WDR90: variants seen among roughly 807,000 people sequenced by gnomAD.
The protein encoded by WDR90 is WD repeat domain 90, also known as WD repeat-containing protein 90.
In WDR90, 238 loss-of-function variants were observed where a neutral mutation model predicts 195.2. The observed-to-expected ratio is 1.22, with a 90% CI of 1.10 to 1.36. The LOEUF is 1.36. WDR90 is among the 40% of genes most tolerant of loss of function. The probability of loss-of-function intolerance (pLI) is 0.00; values close to 1 mark genes in which losing one functional copy is unlikely to be tolerated. For synonymous variants in WDR90, 1,265 were observed against 1,052.4 expected (o/e 1.20, Z -3.91); for missense variants, 2,734 against 2,439.5 (o/e 1.12, Z -2.54).
chr16:651,623 G>C, intron 7 of WDR90, 21 bp from the exon 8 acceptor site: 1 of 1,609,686 alleles, frequency 6.2e-7, no homozygotes, highest in East Asian at 2.2e-5. Flanking sequence ...TGGGTCACTG[G>C]GGTTCTTTGC....
At chr16:658,473 C>T in intron 22 of WDR90, 52 bp from the exon 23 acceptor site, 3 of 1,585,946 alleles carry the variant, frequency 1.9e-6, no homozygotes, top group Non-Finnish European at 2.6e-6. Context: ...AGGCCCCAGG[C>T]TGCTGGCCAC....
chr16:656,729 C>T lies in WDR90; in HGVS notation c.2203-3C>T, dbSNP rs765700022. Reference sequence around the variant, plus strand: ...TCCCCTCAGCACGGCCCCTGTCCCACAGCTATACGACTTCACATCATCAGA... The same window carrying T: ...TCCCCTCAGCACGGCCCCTGTCCCATAGCTATACGACTTCACATCATCAGA... On this transcript the variant is annotated splice_polypyrimidine_tract_variant and splice_region_variant and intron_variant, in intron 18 of 40. Coordinates refer to ENST00000293879, the MANE Select transcript of WDR90 (RefSeq NM_145294.5). 5.0e-6 allele frequency: 8 copies of T among 1,611,802 alleles called. No individual in the cohort carries two copies. Among genetic ancestry groups the T allele is most frequent in the African/African-American group, 4.0e-5 (3 of 74,912 alleles).
At chr16:660,513 C>A in intron 27 of WDR90, 99 bp from the exon 28 acceptor site, 2 of 1,260,694 alleles carry the variant, frequency 1.6e-6, no homozygotes, top group Non-Finnish European at 2.2e-6. Flanking sequence ...TCCTCTGCAG[C>A]TGGCCTGGGT....
At chr16:660,901 T>C (rs2037883482) in intron 28 of WDR90, 150 bp from the exon 29 acceptor site, 1 of 742,218 alleles carries the variant, frequency 1.3e-6, no homozygotes, top group African/African-American at 3.4e-5. Flanking sequence ...TACTGGACGC[T>C]GGGGAGGGCG....
intron 40 of WDR90, 131 bp from the exon 41 acceptor site, chr16:667,301 G>C (rs1356961588): frequency 1.6e-6 from 2 of 1,276,038 alleles, no homozygotes; most frequent in East Asian, 2.5e-5. Context: ...GGAGGGCACA[G>C]CCAGGAGCCC....
In WDR90 at chr16:655,821, C is replaced by T. The variant is rs746115560; in HGVS notation, c.1898C>T (p.Ala633Val). The T allele has an allele frequency of 6.3e-7, 1 of 1,595,990 alleles. No individual in the cohort carries two copies. The highest frequency in any genetic ancestry group is 8.5e-7 in the Non-Finnish European group (1 of 1,173,142). Residue 633 changes from alanine (A) to valine (V), a missense_variant, in exon 17 of 41, where the codon GCT (alanine) becomes GTT (valine). Physicochemically the swap from Ala to Val is moderately conservative, Grantham distance 64 (BLOSUM62 0). Transcript: ENST00000293879. ...CTCAGCGTCTCCCCGGCCATGTGTG[C>T]TGTGGGCTCTGAGGACGGCTTCTTG... Reference protein sequence around the residue: ...SSLSVSPAMCAVGSEDGFLRL... With the variant: ...SSLSVSPAMCVVGSEDGFLRL...
chr16:654,819 C>G (rs2037713727), intron 13 of WDR90: 1 of 590,690 alleles, frequency 1.7e-6, no homozygotes, highest in Non-Finnish European at 3.0e-6. Flanking sequence ...GGTTGCAGTG[C>G]TCAGCATTGC....
chr16:655,145 C>T lies in WDR90; in HGVS notation c.1554C>T (p.Thr518=). ...TCCGGGTCACCTTTTTTGATGAAAC[C>T]AGGTGATGCAGCCGCCCATCCACGA... The part of the protein sequence containing the change: ...QAFRVTFFDE[T]RMASCGQGSV... Residue 518 remains threonine (T), a splice_region_variant and synonymous_variant, in exon 14 of 41, where the codon ACC becomes ACT. Coordinates refer to ENST00000293879, the MANE Select transcript of WDR90 (RefSeq NM_145294.5). 1 of 1,612,560 alleles carries T rather than the reference C, an allele frequency of 6.2e-7. No individual in the cohort carries two copies. Among genetic ancestry groups the T allele is most frequent in the Non-Finnish European group, 8.5e-7 (1 of 1,179,704 alleles).
intron 20 of WDR90, chr16:657,464 C>G (rs2037784993): frequency 2.7e-6 from 2 of 739,896 alleles, no homozygotes; most frequent in African/African-American, 3.6e-5. Flanking sequence ...AGCCCAAGCT[C>G]CAGGTCAGCA....
Position 658,319 on chromosome 16 carries a change from CTG to C in WDR90, c.2745_2746del (p.Ser916GlyfsTer13). 6.2e-7 allele frequency: 1 copy of C among 1,612,530 alleles called. No individual in the cohort carries two copies. Among genetic ancestry groups the C allele is most frequent in the Non-Finnish European group, 8.5e-7 (1 of 1,179,862 alleles). On this transcript the variant is annotated frameshift_variant, in exon 22 of 41. Transcript: ENST00000293879. LOFTEE classifies it high-confidence loss of function. ...TCCAACAGAGTCGTGGTGCTGGATG[CTG>C]TGTCGGGCCGCATCATCCGGGAGGT...
intron 26 of WDR90, among the ~76,000 whole-genome samples, chr16:659,697 G>A (rs2037852495): frequency 6.6e-6 from 1 of 152,224 alleles, no homozygotes; most frequent in East Asian, 1.9e-4. Context: ...AGGCCCACCT[G>A]TGCTCACGGA....
chr16:662,920 C>T (rs1274963885), intron 34 of WDR90, 76 bp downstream of exon 34: 7 of 1,525,192 alleles, frequency 4.6e-6, no homozygotes, highest in Non-Finnish European at 5.3e-6. Flanking sequence ...TCCATCTCCA[C>T]CAGCCCAGAT....
intron 23 of WDR90, 25 bp from the exon 24 acceptor site, chr16:658,871 C>G (rs779733187): frequency 6.2e-7 from 1 of 1,608,918 alleles, no homozygotes; most frequent in South Asian, 1.1e-5. Flanking sequence ...CCTCGGGGTC[C>G]TGCATGTGAC....
chr16:657,134 G>C lies in WDR90; in HGVS notation c.2386G>C (p.Gly796Arg). 6.3e-7 allele frequency: 1 copy of C among 1,580,168 alleles called. No individual in the cohort carries two copies. The highest frequency in any genetic ancestry group is 1.2e-5 in the South Asian group (1 of 86,640). Reference protein sequence around the residue: ...AVTGLTATPDGRLLFSSCSQG... With the variant: ...AVTGLTATPDRRLLFSSCSQG... ...CACCGGCCTGACCGCCACCCCTGACGGCCGCCTGCTCTTCAGCTCCTGCTC... is the reference window on the plus strand; with the variant it reads ...CACCGGCCTGACCGCCACCCCTGACCGCCGCCTGCTCTTCAGCTCCTGCTC... The change falls in exon 20 of 41, where the codon GGC (glycine) becomes CGC (arginine). Residue 796 changes from glycine (G) to arginine (R), a missense_variant. Coordinates refer to ENST00000293879, the MANE Select transcript of WDR90 (RefSeq NM_145294.5).
chr16:652,580 C>T (rs1207728161), intron 10 of WDR90, 45 bp downstream of exon 10: 2 of 1,559,924 alleles, frequency 1.3e-6, no homozygotes, highest in African/African-American at 2.7e-5. Context: ...CGTTGGCCGG[C>T]TCGAGCGCTG....
chr16:659,948 G>A, intron 26 of WDR90, 110 bp from the exon 27 acceptor site: 1 of 842,870 alleles, frequency 1.2e-6, no homozygotes, highest in Non-Finnish European at 1.8e-6. Flanking sequence ...CCGCCGTGCA[G>A]TTCTCACTGT....
intron 28 of WDR90, 61 bp from the exon 29 acceptor site, chr16:660,990 G>GCCCCCCCCCCCCC: frequency 9.2e-5 from 2 of 21,748 alleles, no homozygotes; most frequent in Non-Finnish European, 1.3e-4. Context: ...CCCTCCCCAG[G>GCCCCCCCCCCCCC]CCCCTCCCCG....
intron 37 of WDR90, 43 bp downstream of exon 37, chr16:666,393 G>A: frequency 6.2e-7 from 1 of 1,610,544 alleles, no homozygotes; most frequent in Non-Finnish European, 8.5e-7. Flanking sequence ...CCTGGGTGCT[G>A]GTGGGGGCAG....
Position 665,542 on chromosome 16 carries a change from C to T in WDR90, c.4312-137C>T, listed in dbSNP as rs184736080. On this transcript the variant is annotated intron_variant, in intron 34 of 40. Transcript: ENST00000293879. Reference sequence around the variant, plus strand: ...GGGGGCCGGCATTGCTCCTTTCCGCCATGTGGAGTTGGCCGGGGCCAGAGG... The same window carrying T: ...GGGGGCCGGCATTGCTCCTTTCCGCTATGTGGAGTTGGCCGGGGCCAGAGG... 5.7e-5 allele frequency: 81 copies of T among 1,411,384 alleles called. No homozygotes were observed. The East Asian group carries it at 1.7e-3, about 29-fold the overall frequency. 87.4% of individuals were successfully genotyped at this position (1,411,384 alleles called of 1,614,324 possible). A position where few individuals can be genotyped will look rare whatever the true frequency, so the allele number is the denominator to read the frequency against.
Sources: allele counts gnomAD v4.1 joint callset (sites outside exome capture counted in the v4.1 genomes callset), GRCh38; gene constraint gnomAD v4.1.1; transcripts MANE v1.5; gene names NCBI Gene and HGNC (gene_info 2026-07-23, HGNC 2026-07-21).